Variants in TFAM observed in about 807,000 individuals in gnomAD.
TFAM encodes the protein mitochondrial transcription factor 1.
A neutral mutation model predicts 30.6 loss-of-function variants in TFAM; 13 were observed. That is an observed-to-expected ratio of 0.42 (90% confidence interval 0.28 to 0.67). The LOEUF is 0.67. Ranked by LOEUF, TFAM falls within the 30% of genes least tolerant of loss-of-function variation. The probability of loss-of-function intolerance (pLI) is 0.21; values close to 1 mark genes in which losing one functional copy is unlikely to be tolerated. For synonymous variants in TFAM, 106 were observed against 94.8 expected, an observed-to-expected ratio of 1.12 and a Z score of -0.69; for missense variants, 231 against 293.7, an observed-to-expected ratio of 0.79 and a Z score of 1.56.
intron 5 of TFAM, among the ~76,000 whole-genome samples, chr10:58,392,369 TC>T (rs772495880): frequency 4.0e-4 from 61 of 152,282 alleles, no homozygotes; most frequent in Non-Finnish European, 7.4e-4. Flanking sequence ...TGATTATTGG[TC>T]CTTTAAATGT....
Position 58,399,204 on chromosome 10 carries a change from C to G in TFAM, c.*4130C>G, listed in dbSNP as rs1840743754. ...AAACAGGAATTTTAAATAAACTAAA[C>G]ATTTTTTCATCACCAAGCATCATTT... On this transcript the variant is annotated 3_prime_UTR_variant, in exon 7 of 7. Coordinates refer to ENST00000487519, the MANE Select transcript of TFAM (RefSeq NM_003201.3). The G allele has an allele frequency of 6.6e-6, 1 of 152,124 alleles. No homozygotes were observed. The highest frequency in any genetic ancestry group is 6.6e-5 in the Admixed American group (1 of 15,264). The allele number at this position is 152,124 out of a possible 1,614,324, so 9.4% of individuals were successfully genotyped here. A position where few individuals can be genotyped will look rare whatever the true frequency, so the allele number is the denominator to read the frequency against.
Position 58,397,131 on chromosome 10 carries a change from TAACTC to T in TFAM, c.*2060_*2064del, listed in dbSNP as rs753089599. 1.9e-4 allele frequency: 29 copies of T among 152,190 alleles called. No individual in the cohort carries two copies. The highest frequency in any genetic ancestry group is 3.1e-3 in the Middle Eastern group (1 of 318). The allele number at this position is 152,190 out of a possible 1,614,324, so 9.4% of individuals were successfully genotyped here. ...GTCCCTAGGAGAATGGAGAAAATCA[TAACTC>T]AAATCATCGACTCAATTCTGTTCTC... On this transcript the variant is annotated 3_prime_UTR_variant, in exon 7 of 7. Coordinates refer to ENST00000487519, the MANE Select transcript of TFAM (RefSeq NM_003201.3).
intron 4 of TFAM, among the ~76,000 whole-genome samples, chr10:58,389,535 A>G (rs2132354239): frequency 6.6e-6 from 1 of 152,312 alleles, no homozygotes; most frequent in African/African-American, 2.4e-5. Context: ...TGAATGTGGG[A>G]TGCCAATACG....
intron 6 of TFAM, 99 bp downstream of exon 6, chr10:58,394,513 A>T: frequency 1.0e-6 from 1 of 986,944 alleles, no homozygotes; most frequent in Non-Finnish European, 1.6e-6. Flanking sequence ...ACCTTGTATT[A>T]CTAATAATAC....
rs139514719 is a variant in TFAM at position 58,388,693 on chromosome 10, G to A, written c.315G>A (p.Ala105=). Residue 105 remains alanine (A), a synonymous_variant, in exon 4 of 7, where the codon GCG becomes GCA. Coordinates refer to ENST00000487519, the MANE Select transcript of TFAM (RefSeq NM_003201.3). ...KKKIYQDAYR[A]EWQVYKEEIS... is the part of the protein sequence containing the mutation. ...AGATATATCAAGATGCTTATAGGGC[G>A]GAGTGGCAGGTATATAAAGAAGAGA... 1,300 of 1,613,574 alleles carry A rather than the reference G, an allele frequency of 8.1e-4. 2 individuals are homozygous for A. Among genetic ancestry groups the A allele is most frequent in the South Asian group, 9.2e-4 (84 of 91,054 alleles).
chr10:58,388,372 C>T (rs1018476564), intron 3 of TFAM, 112 bp downstream of exon 3: 3 of 936,138 alleles, frequency 3.2e-6, no homozygotes, highest in Non-Finnish European at 5.1e-6. Flanking sequence ...AATCTGTTAT[C>T]TACAAAGAAA....
chr10:58,393,844 G>T (rs1840636839), intron 5 of TFAM, among the ~76,000 whole-genome samples: 2 of 151,634 alleles, frequency 1.3e-5, no homozygotes, highest in African/African-American at 4.8e-5. Flanking sequence ...GCAGTGAGCT[G>T]TGATCATACC....
chr10:58,386,613 C>T (rs1240460323), intron 2 of TFAM: 2 of 1,211,304 alleles, frequency 1.7e-6, no homozygotes, highest in Non-Finnish European at 2.1e-6. Flanking sequence ...TGCCTTTGGT[C>T]TAGAGGACCA....
intron 5 of TFAM, among the ~76,000 whole-genome samples, chr10:58,391,808 C>CT (rs1035630226): frequency 6.6e-6 from 1 of 151,396 alleles, no homozygotes; most frequent in Non-Finnish European, 1.5e-5. Flanking sequence ...TTGCACCAAC[C>CT]TAATAGTATT....
intron 5 of TFAM, among the ~76,000 whole-genome samples, chr10:58,393,503 G>A (rs1401563431): frequency 6.6e-6 from 1 of 152,188 alleles, no homozygotes; most frequent in East Asian, 1.9e-4. Flanking sequence ...AGAATTTTGT[G>A]TTGATAGTGC....
In TFAM at chr10:58,395,232, C is replaced by G. The variant is rs1270277012; in HGVS notation, c.*158C>G. The G allele has an allele frequency of 1.3e-5, 10 of 773,900 alleles. No homozygotes were observed. Among genetic ancestry groups the G allele is most frequent in the Non-Finnish European group, 2.1e-6 (1 of 479,274 alleles). 47.9% of individuals were successfully genotyped at this position (773,900 alleles called of 1,614,324 possible). A position where few individuals can be genotyped will look rare whatever the true frequency, so the allele number is the denominator to read the frequency against. On this transcript the variant is annotated 3_prime_UTR_variant, in exon 7 of 7. Coordinates refer to ENST00000487519, the MANE Select transcript of TFAM (RefSeq NM_003201.3). ...CTCATGGACTTCTGCCAGCATAATA[C>G]TTGCTTTGGAAAACCCAGATAAAGG...
rs753320102 is a variant in TFAM at position 58,388,228 on chromosome 10, C to A, written c.259C>A (p.Arg87Ser). 4.3e-6 allele frequency: 7 copies of A among 1,613,872 alleles called. No individual in the cohort carries two copies. The highest frequency in any genetic ancestry group is 5.9e-6 in the Non-Finnish European group (7 of 1,179,930). The change falls in exon 3 of 7, where the codon CGT (arginine) becomes AGT (serine). Residue 87 changes from arginine (R) to serine (S), a missense_variant. Arg to Ser is a moderately radical substitution (Grantham distance 110). Coordinates refer to ENST00000487519, the MANE Select transcript of TFAM (RefSeq NM_003201.3). Reference sequence around the variant, plus strand: ...AGAACTAATTAGAAGAATTGCCCAGCGTTGGAGGGAACTTCCTGATTCAAA... The same window carrying A: ...AGAACTAATTAGAAGAATTGCCCAGAGTTGGAGGGAACTTCCTGATTCAAA... ...TTELIRRIAQRWRELPDSKKK... is the reference protein window; with the variant it reads ...TTELIRRIAQSWRELPDSKKK...
intron 4 of TFAM, among the ~76,000 whole-genome samples, chr10:58,389,291 G>A (rs1470458651): frequency 2.0e-5 from 3 of 152,088 alleles, no homozygotes; most frequent in Non-Finnish European, 4.4e-5. Context: ...CTTTAGGATG[G>A]AATTCTTTTT....
intron 3 of TFAM, 136 bp downstream of exon 3, chr10:58,388,396 C>A: frequency 1.2e-6 from 1 of 818,224 alleles, no homozygotes; most frequent in Admixed American, 2.2e-5. Flanking sequence ...TATGTCTTCT[C>A]ATCTGCATAA....
chr10:58,386,925 G>A (rs555623805), intron 2 of TFAM, among the ~76,000 whole-genome samples: 10 of 152,160 alleles, frequency 6.6e-5, no homozygotes, highest in African/African-American at 2.4e-4. Flanking sequence ...TTTCCAGGTA[G>A]GATGTTTGTT....
chr10:58,395,546 A>C lies in TFAM; in HGVS notation c.*472A>C, dbSNP rs1840666917. 4.1e-6 allele frequency: 1 copy of C among 245,468 alleles called. No homozygotes were observed. The highest frequency in any genetic ancestry group is 2.2e-5 in the African/African-American group (1 of 45,198). 15.2% of individuals were successfully genotyped at this position (245,468 alleles called of 1,614,324 possible). On this transcript the variant is annotated 3_prime_UTR_variant, in exon 7 of 7. Coordinates refer to ENST00000487519, the MANE Select transcript of TFAM (RefSeq NM_003201.3). Reference sequence around the variant, plus strand: ...AAATTACAGTTCCTAGGTATAATTCACATTGTATTCAGAGTTGATGGTTGT... The same window carrying C: ...AAATTACAGTTCCTAGGTATAATTCCCATTGTATTCAGAGTTGATGGTTGT...
In TFAM at chr10:58,390,725, G is replaced by A. The variant is rs777041093; in HGVS notation, c.442-40G>A. On this transcript the variant is annotated intron_variant, in intron 4 of 6. Coordinates refer to ENST00000487519, the MANE Select transcript of TFAM (RefSeq NM_003201.3). ...TGTAGGTAAAATTAAGTCTCATGGA[G>A]GTTAACACTATTTTTGACCCTCCAA... 3.4e-6 allele frequency: 5 copies of A among 1,486,050 alleles called. No individual in the cohort carries two copies. In the African/African-American group the frequency reaches 6.9e-5, roughly 21 times the overall value. The allele number at this position is 1,486,050 out of a possible 1,614,324, so 92.1% of individuals were successfully genotyped here.
intron 5 of TFAM, among the ~76,000 whole-genome samples, chr10:58,392,717 C>T (rs1448130276): frequency 6.6e-6 from 1 of 151,264 alleles, no homozygotes; most frequent in East Asian, 1.9e-4. Flanking sequence ...GCCTGTTATA[C>T]AGGCTGGAGT....
intron 3 of TFAM, 76 bp from the exon 4 acceptor site, chr10:58,388,594 T>G: frequency 6.6e-7 from 1 of 1,511,032 alleles, no homozygotes; most frequent in Non-Finnish European, 9.2e-7. Context: ...AGTCATGCAG[T>G]TGCCTTTCCC....
Sources: allele counts gnomAD v4.1 joint callset (sites outside exome capture counted in the v4.1 genomes callset), GRCh38; gene constraint gnomAD v4.1.1; transcripts MANE v1.5; gene names NCBI Gene and HGNC (gene_info 2026-07-23, HGNC 2026-07-21).